FER1L5: variants seen among roughly 807,000 people sequenced by gnomAD.
FER1L5 encodes the protein fer-1-like protein 5.
In FER1L5, 187 loss-of-function variants were observed where a neutral mutation model predicts 279.9. The ratio of observed to expected loss-of-function variants is 0.67; its 90% CI spans 0.59 to 0.75. FER1L5 has a LOEUF of 0.75. Ranked by LOEUF, FER1L5 falls within the 30% of genes least tolerant of loss-of-function variation. The pLI, the probability that FER1L5 is intolerant of heterozygous loss-of-function variation, is 0.00. For synonymous variants in FER1L5, 921 were observed against 989.7 expected, an observed-to-expected ratio of 0.93 and a Z score of 1.30; for missense variants, 2,091 against 2,594.4, an observed-to-expected ratio of 0.81 and a Z score of 4.21.
At chr2:96,665,874 C>A (rs1195740342) in intron 14 of FER1L5, among the ~76,000 whole-genome samples, 3 of 152,134 alleles carry the variant, frequency 2.0e-5, no homozygotes, top group Non-Finnish European at 4.4e-5. Flanking sequence ...GTGTGAGCCA[C>A]CATGCCCGGC....
In FER1L5 at chr2:96,695,584, C is replaced by T. The variant is rs760943780; in HGVS notation, c.3817C>T (p.Leu1273=). Residue 1273 remains leucine (L), a synonymous_variant, in exon 35 of 53, where the codon CTG becomes TTG. Coordinates refer to ENST00000624922, the MANE Select transcript of FER1L5 (RefSeq NM_001293083.2). ...QLLVEFGEES[L]RTEPIRDFQT... ...CCTGGTGGAATTCGGGGAAGAGTCC[C>T]TGAGGACAGAACCCATCAGGGACTT... is the stretch of plus-strand genomic sequence containing the variant. The T allele has an allele frequency of 6.3e-7, 1 of 1,597,620 alleles. No individual in the cohort carries two copies. The highest frequency in any genetic ancestry group is 1.1e-5 in the South Asian group (1 of 88,144).
chr2:96,696,485 G>A (rs1397296827), intron 37 of FER1L5, among the ~76,000 whole-genome samples: 1 of 151,954 alleles, frequency 6.6e-6, no homozygotes, highest in South Asian at 2.1e-4. Context: ...GTAGAGACAG[G>A]GTTTCATCAT....
chr2:96,696,078 G>C lies in FER1L5; in HGVS notation c.4083+1G>C. 1 of 1,613,802 alleles carries C rather than the reference G, an allele frequency of 6.2e-7. No homozygotes were observed. Reference sequence around the variant, plus strand: ...GCTGTCTGAGAAGAAGCACCAAGACGTAAGTAAGGGCTGCAGGCCCACCTT... The same window carrying C: ...GCTGTCTGAGAAGAAGCACCAAGACCTAAGTAAGGGCTGCAGGCCCACCTT... On this transcript the variant is annotated splice_donor_variant, in intron 37 of 52. Transcript: ENST00000624922. LOFTEE classifies it high-confidence loss of function.
chr2:96,690,712 T>G, intron 27 of FER1L5, 123 bp downstream of exon 27: 1 of 828,388 alleles, frequency 1.2e-6, no homozygotes, highest in Non-Finnish European at 1.9e-6. Context: ...TGGGGCCCCC[T>G]GGCCTCCAGA....
At chr2:96,669,213 G>T in intron 17 of FER1L5, 76 bp downstream of exon 17, 3 of 1,362,510 alleles carry the variant, frequency 2.2e-6, no homozygotes, top group Non-Finnish European at 3.0e-6. Flanking sequence ...CCTGGGACGT[G>T]CCCCGAGGCC....
At chr2:96,684,545 C>A in intron 20 of FER1L5, 94 bp downstream of exon 20, 1 of 1,472,608 alleles carries the variant, frequency 6.8e-7, no homozygotes, top group Non-Finnish European at 9.1e-7. Flanking sequence ...GGAAACTGGT[C>A]ACACAGCTCA....
At chr2:96,659,288 G>GC (rs879846869) in intron 9 of FER1L5, among the ~76,000 whole-genome samples, 3,667 of 100,052 alleles carry the variant, frequency 0.037, 431 homozygotes, top group African/African-American at 0.11. Context: ...AATTTATCAA[G>GC]CTTTCCTTCC....
chr2:96,658,219 T>C (rs1013879094), intron 9 of FER1L5, among the ~76,000 whole-genome samples: 1 of 152,012 alleles, frequency 6.6e-6, no homozygotes, highest in South Asian at 2.1e-4. Context: ...GTTTTCACCA[T>C]GTTGGCCAGG....
chr2:96,693,628 C>T lies in FER1L5; in HGVS notation c.3415C>T (p.Gln1139Ter). ...FQHLLLYENP[Q>*]DTKESPPLVV... The stretch of plus-strand genomic sequence containing the variant: ...GCACCTCCTTCTGTACGAGAACCCA[C>T]AGGACACCAAAGAGAGCCCACCGCT... The change falls in exon 32 of 53, where the codon CAG becomes TAG. Residue 1139 changes from glutamine (Q) to a stop codon, truncating the protein, a stop_gained. Transcript: ENST00000624922. LOFTEE classifies it high-confidence loss of function. 6.4e-7 allele frequency: 1 copy of T among 1,551,736 alleles called. No homozygotes were observed. Among genetic ancestry groups the T allele is most frequent in the Non-Finnish European group, 8.7e-7 (1 of 1,146,996 alleles).
At chr2:96,643,695 A>G (rs1168436376) in intron 1 of FER1L5, among the ~76,000 whole-genome samples, 1 of 151,734 alleles carries the variant, frequency 6.6e-6, no homozygotes, top group Admixed American at 6.6e-5. Flanking sequence ...CCTCACAGCA[A>G]TTCCAGAGGT....
chr2:96,690,681 C>A, intron 27 of FER1L5, 92 bp downstream of exon 27: 1 of 1,200,508 alleles, frequency 8.3e-7, no homozygotes, highest in Non-Finnish European at 1.2e-6. Context: ...CCAAGCCCTC[C>A]ATGGTATACG....
In FER1L5 at chr2:96,694,615, A is replaced by C; in HGVS notation, c.3741+151A>C. 2 of 566,476 alleles carry C rather than the reference A, an allele frequency of 3.5e-6. No individual in the cohort carries two copies. The highest frequency in any genetic ancestry group is 5.9e-6 in the Non-Finnish European group (2 of 339,712). The allele number at this position is 566,476 out of a possible 1,614,324, so 35.1% of individuals were successfully genotyped here. On this transcript the variant is annotated intron_variant, in intron 34 of 52. Coordinates refer to ENST00000624922, the MANE Select transcript of FER1L5 (RefSeq NM_001293083.2). This position sits in a 1 kb window ranked among gnomAD's most constrained non-coding sequence, Gnocchi z 4.6. Reference sequence around the variant, plus strand: ...GGGAGGTGGAGGGAGACAGGAGAGAAACGAAGAGGTTCTGGTGTAACACTG... The same window carrying C: ...GGGAGGTGGAGGGAGACAGGAGAGACACGAAGAGGTTCTGGTGTAACACTG...
intron 49 of FER1L5, 35 bp from the exon 50 acceptor site, chr2:96,703,118 G>C (rs376840699): frequency 6.2e-7 from 1 of 1,612,954 alleles, no homozygotes; most frequent in Non-Finnish European, 8.5e-7. Flanking sequence ...AGGACAGGGA[G>C]CTCCTTCTTG....
intron 18 of FER1L5, 109 bp from the exon 19 acceptor site, chr2:96,672,968 A>C (rs2076382577): frequency 1.5e-6 from 2 of 1,367,680 alleles, no homozygotes; most frequent in Middle Eastern, 2.7e-4. Flanking sequence ...GAGGGAGAGA[A>C]GGGAAGATGG....
chr2:96,670,388 T>A, intron 18 of FER1L5, 141 bp downstream of exon 18: 1 of 1,147,620 alleles, frequency 8.7e-7, no homozygotes. Context: ...TCAATCGGCC[T>A]GATTATTTAC....
At chr2:96,697,907 A>C in intron 39 of FER1L5, 130 bp from the exon 40 acceptor site, 1 of 1,462,582 alleles carries the variant, frequency 6.8e-7, no homozygotes, top group East Asian at 2.5e-5. Context: ...CCCTGTCTGA[A>C]GCACACAGTG....
chr2:96,690,024 C>A (rs2077081649), intron 26 of FER1L5, among the ~76,000 whole-genome samples: 1 of 152,122 alleles, frequency 6.6e-6, no homozygotes, highest in Non-Finnish European at 1.5e-5. Context: ...TGCTGCTTAC[C>A]CCGAAGGAGA....
intron 6 of FER1L5, among the ~76,000 whole-genome samples, chr2:96,650,986 C>T (rs183889499): frequency 6.6e-6 from 1 of 152,378 alleles, no homozygotes; most frequent in East Asian, 1.9e-4. Flanking sequence ...AACCCCCCAG[C>T]CTCCAGCTCT....
chr2:96,646,730 C>T (rs1199314313), intron 2 of FER1L5, among the ~76,000 whole-genome samples: 3 of 152,166 alleles, frequency 2.0e-5, no homozygotes, highest in Admixed American at 2.0e-4. Flanking sequence ...TCTTGATGTT[C>T]CTAGAAGCCT....
Sources: allele counts gnomAD v4.1 joint callset (sites outside exome capture counted in the v4.1 genomes callset), GRCh38; gene constraint gnomAD v4.1.1; non-coding constraint Gnocchi (gnomAD v3.1); transcripts MANE v1.5; gene names NCBI Gene and HGNC (gene_info 2026-07-23, HGNC 2026-07-21).